The following HDAC9 variants were observed in gnomAD, a reference collection of about 807,000 sequenced individuals.
HDAC9 encodes histone deacetylase 9.
In HDAC9, 41 loss-of-function variants were observed where a neutral mutation model predicts 139.4. The observed-to-expected ratio is 0.29, with a 90% CI of 0.23 to 0.38. The LOEUF is 0.38. HDAC9 is among the 10% of genes least tolerant of loss of function. The probability of loss-of-function intolerance (pLI) is 1.00; values close to 1 mark genes in which losing one functional copy is unlikely to be tolerated. For synonymous variants in HDAC9, 517 were observed against 476.2 expected, an observed-to-expected ratio of 1.09 and a Z score of -1.12; for missense variants, 1,147 against 1,297.0, an observed-to-expected ratio of 0.88 and a Z score of 1.78.
chr7:18,860,267 A>G (rs1798010893), intron 21 of HDAC9, among the ~76,000 whole-genome samples: 2 of 152,038 alleles, frequency 1.3e-5, no homozygotes, highest in African/African-American at 2.4e-5. Flanking sequence ...TTTTCCTGCT[A>G]TGTGCCCAAC....
At chr7:18,623,791 A>C (rs1346361235) in intron 6 of HDAC9, among the ~76,000 whole-genome samples, 1 of 152,150 alleles carries the variant, frequency 6.6e-6, no homozygotes, top group African/African-American at 2.4e-5. Context: ...AAAATACAAA[A>C]ATTAGCCAGG....
chr7:18,310,213 A>G (rs186477503), intron 1 of HDAC9, among the ~76,000 whole-genome samples: 279 of 152,268 alleles, frequency 1.8e-3, no homozygotes, highest in African/African-American at 6.5e-3. Context: ...AGGCTTCCCC[A>G]TGTCCATTTC....
intron 1 of HDAC9, among the ~76,000 whole-genome samples, chr7:18,417,365 A>G (rs956217679): frequency 2.6e-5 from 4 of 152,124 alleles, no homozygotes; most frequent in Admixed American, 2.6e-4. Context: ...TTTGTCTGCT[A>G]TTAACATCTG....
chr7:18,292,009 G>A (rs561120935), intron 1 of HDAC9, among the ~76,000 whole-genome samples: 4 of 152,162 alleles, frequency 2.6e-5, no homozygotes, highest in African/African-American at 9.6e-5. Context: ...GGTCTTCCAG[G>A]GCTGCAAGTT....
chr7:18,127,885 T>C (rs1784769521), intron 1 of HDAC9, among the ~76,000 whole-genome samples: 1 of 151,490 alleles, frequency 6.6e-6, no homozygotes, highest in Admixed American at 6.6e-5. Context: ...TAAACAAATT[T>C]TGAAGACAAT....
chr7:18,417,689 T>G (rs1207769743), intron 1 of HDAC9, among the ~76,000 whole-genome samples: 1 of 152,202 alleles, frequency 6.6e-6, no homozygotes, highest in Non-Finnish European at 1.5e-5. Context: ...GAATACAGTT[T>G]CCATTATGAA....
rs563822945 is a variant in HDAC9, at chr7:18,944,657, T to C, written c.2937+8715T>C. Among the ~76,000 whole-genome samples the C allele has an allele frequency of 4.6e-5, 7 of 152,258 alleles. 1 individual carries two copies. Among genetic ancestry groups the C allele is most frequent in the South Asian group, 2.1e-4 (1 of 4,828 alleles). On this transcript the variant is annotated intron_variant, in intron 23 of 25. Transcript: ENST00000686413. ...ACATATGTAATGATCAACCAAGAGATAGAGTAATGTCAGCTCTATCTCTAT... is the reference window on the plus strand; with the variant it reads ...ACATATGTAATGATCAACCAAGAGACAGAGTAATGTCAGCTCTATCTCTAT...
At chr7:18,813,287 GTTTC>G (rs1794321808) in intron 17 of HDAC9, among the ~76,000 whole-genome samples, 1 of 152,056 alleles carries the variant, frequency 6.6e-6, no homozygotes, top group Admixed American at 6.6e-5. Flanking sequence ...TCTTTTAAAA[GTTTC>G]TTTGTTTGTG....
chr7:18,283,173 C>T (rs1797213903), intron 2 of HDAC9, among the ~76,000 whole-genome samples: 1 of 152,072 alleles, frequency 6.6e-6, no homozygotes, highest in African/African-American at 2.4e-5. Flanking sequence ...GGAAGCGTGA[C>T]TGGGAGGCCT....
intron 2 of HDAC9, among the ~76,000 whole-genome samples, chr7:18,166,717 G>A (rs973811500): frequency 1.3e-5 from 2 of 152,054 alleles, no homozygotes; most frequent in Admixed American, 1.3e-4. Context: ...GCCTGCCCCT[G>A]TTTTTAAAAT....
chr7:18,788,301 C>T (rs75160238), intron 16 of HDAC9, among the ~76,000 whole-genome samples: 2,773 of 152,196 alleles, frequency 0.018, 81 homozygotes, highest in African/African-American at 0.063. Flanking sequence ...CATATCATAC[C>T]CCTTGGAGGA....
upstream of HDAC9, chr7:18,290,340 A>G (rs139421816): frequency 1.4e-3 from 540 of 382,802 alleles, 2 homozygotes; most frequent in Non-Finnish European, 1.9e-3. Flanking sequence ...TTGCATCTGT[A>G]GCATCAGGTA....
chr7:18,900,794 C>T (rs189310719), intron 22 of HDAC9, among the ~76,000 whole-genome samples: 8 of 152,152 alleles, frequency 5.3e-5, no homozygotes, highest in East Asian at 3.9e-4. Context: ...ATAAGAAGTA[C>T]GAATACCACC....
intron 1 of HDAC9, among the ~76,000 whole-genome samples, chr7:18,292,994 AT>A (rs201232344): frequency 0.024 from 3,535 of 149,624 alleles, 62 homozygotes; most frequent in Middle Eastern, 0.038. Context: ...GGTGTTTTAA[AT>A]TTTTTTTTTT....
At chr7:18,906,713 A>G (rs954288811) in intron 22 of HDAC9, among the ~76,000 whole-genome samples, 3 of 152,206 alleles carry the variant, frequency 2.0e-5, no homozygotes, top group Non-Finnish European at 4.4e-5. Flanking sequence ...GGCCTCCTAC[A>G]AATAGATTCA....
At chr7:18,775,963 G>A (rs11763653) in intron 16 of HDAC9, among the ~76,000 whole-genome samples, 2,721 of 152,080 alleles carry the variant, frequency 0.018, 27 homozygotes, top group Middle Eastern at 0.027. Flanking sequence ...ACAGGGTCTT[G>A]CTCTGTTGCT....
chr7:18,162,974 T>C (rs1413888098), intron 2 of HDAC9, among the ~76,000 whole-genome samples: 1 of 152,172 alleles, frequency 6.6e-6, no homozygotes, highest in Non-Finnish European at 1.5e-5. Context: ...GTTTTGGGAA[T>C]GATGAAGTAG....
intron 11 of HDAC9, among the ~76,000 whole-genome samples, chr7:18,659,141 A>G (rs1792330367): frequency 1.3e-5 from 2 of 152,272 alleles, no homozygotes; most frequent in Non-Finnish European, 2.9e-5. Flanking sequence ...GATATTTTGT[A>G]TCTGAAGATA....
intron 2 of HDAC9, among the ~76,000 whole-genome samples, chr7:18,181,794 G>A (rs1383915325): frequency 6.6e-6 from 1 of 151,978 alleles, no homozygotes; most frequent in Non-Finnish European, 1.5e-5. Flanking sequence ...TACATGCTGA[G>A]GGCATTGAAC....
Sources: gnomAD v4.1 joint callset for allele counts (sites outside exome capture counted in the v4.1 genomes callset) on GRCh38, gnomAD v4.1.1 for gene constraint, MANE v1.5 for transcripts, NCBI Gene and HGNC (gene_info 2026-07-23, HGNC 2026-07-21) for gene names.